The following PPP2CA variants were observed in gnomAD, a reference collection of about 807,000 sequenced individuals.
PPP2CA encodes the protein protein phosphatase 2 catalytic subunit alpha.
In PPP2CA, 5 loss-of-function variants were observed where a neutral mutation model predicts 38.8. The observed-to-expected ratio is 0.13, with a 90% CI of 0.07 to 0.27. The LOEUF (loss-of-function observed/expected upper bound fraction) is 0.27, where lower values mean the gene tolerates loss of function less well. PPP2CA is among the 10% of genes least tolerant of loss of function. The probability of loss-of-function intolerance (pLI) is 1.00; values close to 1 mark genes in which losing one functional copy is unlikely to be tolerated. For synonymous variants in PPP2CA, 152 were observed against 134.0 expected (o/e 1.13, Z -0.93); for missense variants, 88 against 389.7 (o/e 0.23, Z 6.52).
chr5:134,201,156 A>G, intron 3 of PPP2CA, 82 bp from the exon 4 acceptor site: 1 of 1,070,628 alleles, frequency 9.3e-7, no homozygotes, highest in Non-Finnish European at 1.4e-6. Context: ...TCATGCCTGT[A>G]ACCCCAGCAC....
intron 1 of PPP2CA, among the ~76,000 whole-genome samples, chr5:134,223,770 CT>C (rs1290248453): frequency 3.3e-5 from 5 of 152,200 alleles, no homozygotes; most frequent in Non-Finnish European, 7.4e-5. Context: ...TCATACCATG[CT>C]TTTCTTTCAA....
At chr5:134,205,228 G>A (rs1762054015) in intron 2 of PPP2CA, among the ~76,000 whole-genome samples, 2 of 151,434 alleles carry the variant, frequency 1.3e-5, no homozygotes, top group Non-Finnish European at 2.9e-5. Flanking sequence ...ACGAGCCACC[G>A]TGACCAGCTG....
intron 1 of PPP2CA, 28 bp downstream of exon 1, chr5:134,225,732 G>A (rs1460078813): frequency 6.3e-7 from 1 of 1,584,534 alleles, no homozygotes; most frequent in South Asian, 1.1e-5. Flanking sequence ...GCCCCGCGGC[G>A]GCTGTCCGCA....
intron 1 of PPP2CA, among the ~76,000 whole-genome samples, chr5:134,220,543 A>C (rs1762419130): frequency 6.7e-6 from 1 of 149,430 alleles, no homozygotes; most frequent in South Asian, 2.2e-4. Flanking sequence ...CCTGTGTATG[A>C]GTGGAGGTTG....
intron 1 of PPP2CA, among the ~76,000 whole-genome samples, chr5:134,214,295 T>C (rs1254146822): frequency 3.9e-5 from 6 of 152,212 alleles, no homozygotes; most frequent in Non-Finnish European, 8.8e-5. Flanking sequence ...TGGCATCTCA[T>C]TTTGTGTCCT....
At chr5:134,207,451 T>G (rs1762108019) in intron 1 of PPP2CA, among the ~76,000 whole-genome samples, 1 of 152,002 alleles carries the variant, frequency 6.6e-6, no homozygotes, top group South Asian at 2.1e-4. Flanking sequence ...CCTAATAAAG[T>G]CAGAATTTTG....
chr5:134,220,652 C>G (rs1762421994), intron 1 of PPP2CA, among the ~76,000 whole-genome samples: 1 of 152,100 alleles, frequency 6.6e-6, no homozygotes, highest in Non-Finnish European at 1.5e-5. Flanking sequence ...TTGCCTCTCT[C>G]CTCAGTACCC....
At chr5:134,200,707 C>T (rs946767025) in intron 4 of PPP2CA, among the ~76,000 whole-genome samples, 1 of 152,178 alleles carries the variant, frequency 6.6e-6, no homozygotes, top group South Asian at 2.1e-4. Flanking sequence ...ATCCATGGGA[C>T]CCAGCAGCAA....
chr5:134,214,724 T>C (rs1580647288), intron 1 of PPP2CA, among the ~76,000 whole-genome samples: 2 of 151,656 alleles, frequency 1.3e-5, no homozygotes, highest in East Asian at 3.9e-4. Flanking sequence ...AGTATTTGTA[T>C]AAACTATTTT....
chr5:134,198,244 T>C (rs1228872471), intron 6 of PPP2CA, among the ~76,000 whole-genome samples: 1 of 151,322 alleles, frequency 6.6e-6, no homozygotes, highest in Non-Finnish European at 1.5e-5. Flanking sequence ...TACAAAAAAA[T>C]TAGCCGGGCG....
At chr5:134,212,951 C>T (rs1762232857) in intron 1 of PPP2CA, among the ~76,000 whole-genome samples, 1 of 152,222 alleles carries the variant, frequency 6.6e-6, no homozygotes, top group African/African-American at 2.4e-5. Flanking sequence ...AGCTAGCAGA[C>T]TGGTTCATGA....
intron 1 of PPP2CA, among the ~76,000 whole-genome samples, chr5:134,206,480 A>C (rs1415193194): frequency 6.6e-6 from 1 of 152,172 alleles, no homozygotes. Flanking sequence ...TTCTAACTAC[A>C]ATGCAGCACT....
chr5:134,197,498 A>G lies in PPP2CA; in HGVS notation c.*274T>C. On this transcript the variant is annotated 3_prime_UTR_variant, in exon 7 of 7. Transcript: ENST00000481195. ...CTTATTATCTGCAGTCTCTCAGAGA[A>G]AGCAAAAGTAACTACAAATAGCGCT... is the stretch of plus-strand genomic sequence containing the variant. 1 of 434,894 alleles carries G rather than the reference A, an allele frequency of 2.3e-6. No homozygotes were observed. 26.9% of individuals were successfully genotyped at this position (434,894 alleles called of 1,614,324 possible).
chr5:134,209,280 A>G (rs3216501), intron 1 of PPP2CA, among the ~76,000 whole-genome samples: 904 of 8,446 alleles, frequency 0.11, 7 homozygotes, highest in African/African-American at 0.22. Flanking sequence ...CCGGAGGGGG[A>G]AAAAAAAAAA....
At chr5:134,200,205 C>G in intron 5 of PPP2CA, 130 bp downstream of exon 5, 5 of 1,025,102 alleles carry the variant, frequency 4.9e-6, no homozygotes, top group Non-Finnish European at 6.8e-6. Flanking sequence ...AAGGCTCAGG[C>G]TATAATGATA....
At chr5:134,199,399 T>C (rs1416499466) in intron 5 of PPP2CA, 195 bp from the exon 6 acceptor site, 1 of 397,068 alleles carries the variant, frequency 2.5e-6, no homozygotes, top group Admixed American at 4.3e-5. Context: ...ATGTATTTAT[T>C]TTCCCCCTAA....
At chr5:134,218,879 C>T (rs1762380137) in intron 1 of PPP2CA, among the ~76,000 whole-genome samples, 1 of 152,100 alleles carries the variant, frequency 6.6e-6, no homozygotes, top group Non-Finnish European at 1.5e-5. Context: ...CCGTGCTAGC[C>T]AGGATGGGCT....
chr5:134,210,735 A>T (rs1230716167), intron 1 of PPP2CA, among the ~76,000 whole-genome samples: 1 of 152,146 alleles, frequency 6.6e-6, no homozygotes, highest in Non-Finnish European at 1.5e-5. Context: ...CAGGAGGCTG[A>T]GGCAGGGGCA....
intron 1 of PPP2CA, among the ~76,000 whole-genome samples, chr5:134,224,549 AAT>A (rs1466683476): frequency 6.6e-6 from 1 of 152,240 alleles, no homozygotes; most frequent in Non-Finnish European, 1.5e-5. Flanking sequence ...ACAAAATGCT[AAT>A]ATGATACTCC....
Sources: gnomAD v4.1 joint callset for allele counts (sites outside exome capture counted in the v4.1 genomes callset) on GRCh38, gnomAD v4.1.1 for gene constraint, MANE v1.5 for transcripts, NCBI Gene and HGNC (gene_info 2026-07-23, HGNC 2026-07-21) for gene names.